The following ANKS1A variants were observed in gnomAD, a reference collection of about 807,000 sequenced individuals.
ANKS1A encodes ankyrin repeat and SAM domain-containing protein 1A.
In ANKS1A, 55 loss-of-function variants were observed where a neutral mutation model predicts 120.3. The observed-to-expected ratio is 0.46, with a 90% confidence interval of 0.37 to 0.57. The LOEUF (loss-of-function observed/expected upper bound fraction) is 0.57. Ranked by LOEUF, ANKS1A falls within the 20% of genes least tolerant of loss-of-function variation. The pLI, the probability that ANKS1A is intolerant of heterozygous loss-of-function variation, is 0.00. For missense variants in ANKS1A, 1,123 were observed against 1,480.3 expected, an observed-to-expected ratio of 0.76 and a Z score of 3.96; for synonymous variants, 590 against 604.7, an observed-to-expected ratio of 0.98 and a Z score of 0.36.
chr6:35,002,032 G>C (rs1238884113), intron 10 of ANKS1A, among the ~76,000 whole-genome samples: 1 of 152,162 alleles, frequency 6.6e-6, no homozygotes, highest in Non-Finnish European at 1.5e-5. Flanking sequence ...CCCCTGTGCT[G>C]TGGTGACTTT....
chr6:34,970,523 C>T (rs866702350), intron 3 of ANKS1A, among the ~76,000 whole-genome samples: 3 of 152,162 alleles, frequency 2.0e-5, no homozygotes, highest in Non-Finnish European at 4.4e-5. Flanking sequence ...TTATGTAAAA[C>T]GGCAAAGTAA....
chr6:34,893,219 T>G (rs1273018187), intron 1 of ANKS1A, among the ~76,000 whole-genome samples: 1 of 152,248 alleles, frequency 6.6e-6, no homozygotes, highest in Non-Finnish European at 1.5e-5. Context: ...TTCTAAGTCC[T>G]CAGTCTTAGT....
At chr6:35,005,802 C>G (rs902804487) in intron 10 of ANKS1A, 1 of 436,678 alleles carries the variant, frequency 2.3e-6, no homozygotes, top group Non-Finnish European at 4.5e-6. Context: ...CCTGTAATCC[C>G]AGCACTTTGG....
intron 3 of ANKS1A, 40 bp downstream of exon 3, chr6:34,970,206 T>C: frequency 6.3e-7 from 1 of 1,577,120 alleles, no homozygotes; most frequent in Non-Finnish European, 8.6e-7. Context: ...CATTCAGCTA[T>C]AGCCAGATGT....
At position 34,982,767 on chromosome 6, in the gene ANKS1A, G is replaced by A; in HGVS notation, c.748G>A (p.Ala250Thr). 6.2e-7 allele frequency: 1 copy of A among 1,614,268 alleles called. No individual in the cohort carries two copies. The highest frequency in any genetic ancestry group is 8.5e-7 in the Non-Finnish European group (1 of 1,180,052). ...DSNYQTEMGS[A>T]LHEAALFGKT... ...TGCTTTCCAGACGGAGATGGGCAGT[G>A]CTTTGCATGAGGCTGCTTTGTTTGG... Residue 250 changes from alanine to threonine, a missense_variant, in exon 5 of 24, where the codon GCT becomes ACT. By Grantham distance (58) the Ala-to-Thr change is moderately conservative. Transcript: ENST00000360359. This position sits in a 1 kb window ranked among gnomAD's most constrained non-coding sequence, Gnocchi z 4.9.
intron 13 of ANKS1A, among the ~76,000 whole-genome samples, chr6:35,066,451 G>GA (rs1336115884): frequency 6.6e-6 from 1 of 152,144 alleles, no homozygotes; most frequent in African/African-American, 2.4e-5. Flanking sequence ...CCTCAAAGAG[G>GA]AAGGTGTTTC....
chr6:34,985,002 G>A, intron 7 of ANKS1A, 80 bp from the exon 8 acceptor site: 1 of 1,378,000 alleles, frequency 7.3e-7, no homozygotes, highest in Non-Finnish European at 1.0e-6. Context: ...TGACTAAAGA[G>A]GCTTTGGGTT....
intron 10 of ANKS1A, chr6:35,005,667 T>G: frequency 9.2e-6 from 4 of 436,334 alleles, no homozygotes; most frequent in South Asian, 6.7e-5. Context: ...AAGGAGAGAC[T>G]TGATCATTAA....
At chr6:35,046,544 C>T (rs186265480) in intron 11 of ANKS1A, among the ~76,000 whole-genome samples, 2 of 152,106 alleles carry the variant, frequency 1.3e-5, no homozygotes, top group South Asian at 4.2e-4. Context: ...GTAGTGAATC[C>T]CTGAATATCC....
intron 11 of ANKS1A, among the ~76,000 whole-genome samples, chr6:35,033,498 A>G (rs1412805907): frequency 6.6e-6 from 1 of 152,226 alleles, no homozygotes; most frequent in Non-Finnish European, 1.5e-5. Flanking sequence ...TCCCCAAATA[A>G]GGTCTTTGAT....
intron 1 of ANKS1A, among the ~76,000 whole-genome samples, chr6:34,955,360 C>G (rs1254065636): frequency 6.6e-6 from 1 of 152,188 alleles, no homozygotes; most frequent in Non-Finnish European, 1.5e-5. Context: ...TGGTCTCGAA[C>G]TCCTGACCTC....
At chr6:34,952,940 C>T (rs1038037151) in intron 1 of ANKS1A, among the ~76,000 whole-genome samples, 1 of 152,112 alleles carries the variant, frequency 6.6e-6, no homozygotes, top group African/African-American at 2.4e-5. Flanking sequence ...GAACTCCTGA[C>T]CTCAGGTGAT....
intron 1 of ANKS1A, among the ~76,000 whole-genome samples, chr6:34,927,233 G>A (rs1414987514): frequency 6.6e-6 from 1 of 151,912 alleles, no homozygotes; most frequent in Non-Finnish European, 1.5e-5. Context: ...TTCTTGGTGG[G>A]GCTTGAAATG....
downstream of ANKS1A, chr6:35,091,488 C>A: frequency 1.1e-6 from 1 of 928,200 alleles, no homozygotes; most frequent in Non-Finnish European, 1.3e-6. Context: ...GAGACGCAGG[C>A]TCAGGATCAG....
At chr6:35,072,211 C>T (rs1561956029) in intron 13 of ANKS1A, among the ~76,000 whole-genome samples, 2 of 152,244 alleles carry the variant, frequency 1.3e-5, no homozygotes, top group Non-Finnish European at 2.9e-5. Flanking sequence ...AGTGTGGGTC[C>T]TGCAGTAGCC....
chr6:34,972,505 C>T (rs1413999689), intron 3 of ANKS1A: 4 of 744,378 alleles, frequency 5.4e-6, no homozygotes, highest in Non-Finnish European at 4.9e-6. Context: ...GGGTTGGGTT[C>T]CCTCAGGGCT....
intron 11 of ANKS1A, among the ~76,000 whole-genome samples, chr6:35,018,743 A>G (rs190780859): frequency 5.9e-5 from 9 of 151,988 alleles, no homozygotes; most frequent in Admixed American, 3.9e-4. Context: ...CTTTATGTCC[A>G]TGAGTACCCA....
chr6:34,889,619 G>A lies in ANKS1A; in HGVS notation c.197+20G>A, dbSNP rs747239834. The A allele has an allele frequency of 8.6e-6, 11 of 1,282,482 alleles. No homozygotes were observed. In the East Asian group the frequency reaches 3.3e-4, roughly 39 times the overall value. 79.4% of individuals were successfully genotyped at this position (1,282,482 alleles called of 1,614,324 possible). On this transcript the variant is annotated intron_variant, in intron 1 of 23. Transcript: ENST00000360359. This position sits in a 1 kb window ranked among gnomAD's most constrained non-coding sequence, Gnocchi z 5.5. The stretch of plus-strand genomic sequence containing the variant: ...GCTCAGGTGGGTACGCGCCAGGGCC[G>A]GGCCGCTGCCTGCAGACCCTTTCTC...
chr6:34,929,534 GTTT>G (rs1768874949), intron 1 of ANKS1A, among the ~76,000 whole-genome samples: 1 of 152,026 alleles, frequency 6.6e-6, no homozygotes, highest in Non-Finnish European at 1.5e-5. Flanking sequence ...GTGCAGTTTT[GTTT>G]TTCATCAATG....
Sources: allele counts gnomAD v4.1 joint callset (sites outside exome capture counted in the v4.1 genomes callset), GRCh38; gene constraint gnomAD v4.1.1; non-coding constraint Gnocchi (gnomAD v3.1); transcripts MANE v1.5; gene names NCBI Gene and HGNC (gene_info 2026-07-23, HGNC 2026-07-21).